The following RBMS1 variants were observed in gnomAD, a reference collection of about 807,000 sequenced individuals.
The protein encoded by RBMS1 is RNA-binding motif, single-stranded-interacting protein 1.
A neutral mutation model predicts 62.3 loss-of-function variants in RBMS1; 17 were observed. The observed-to-expected ratio is 0.27, with a 90% CI of 0.19 to 0.41. RBMS1 has a LOEUF of 0.41. Ranked by LOEUF, RBMS1 falls within the 10% of genes least tolerant of loss-of-function variation. The pLI is 1.00. For missense variants in RBMS1, 334 were observed against 504.5 expected (o/e 0.66, Z 3.24); for synonymous variants, 172 against 170.0 (o/e 1.01, Z -0.09).
chr2:160,363,122 C>T (rs979999909), intron 2 of RBMS1, among the ~76,000 whole-genome samples: 3 of 152,100 alleles, frequency 2.0e-5, no homozygotes, highest in South Asian at 2.1e-4. Flanking sequence ...TTGATAATAG[C>T]GTTATTTGAC....
At chr2:160,339,386 T>G (rs1364355169) in intron 2 of RBMS1, among the ~76,000 whole-genome samples, 1 of 152,168 alleles carries the variant, frequency 6.6e-6, no homozygotes, top group Non-Finnish European at 1.5e-5. Context: ...CTTATTCCTT[T>G]GAAGTTTATG....
chr2:160,439,218 C>G (rs575316574), intron 1 of RBMS1, among the ~76,000 whole-genome samples: 1 of 151,604 alleles, frequency 6.6e-6, no homozygotes, highest in Non-Finnish European at 1.5e-5. Context: ...CCCTCTCGGA[C>G]GAGGTGGCTG....
chr2:160,493,357 T>A lies in RBMS1; in HGVS notation c.7A>T (p.Lys3Ter). 6.2e-7 allele frequency: 1 copy of A among 1,613,352 alleles called. No homozygotes were observed. MG[K>*]VWKQQMYPQY... The stretch of plus-strand genomic sequence containing the variant: ...GGGTACATCTGCTGTTTCCACACTT[T>A]GCCCATGAAGCTGGAAGGGAGCCTG... The change falls in exon 1 of 14, where the codon AAA becomes TAA. Residue 3 changes from lysine (K) to a stop codon, truncating the protein, a stop_gained. Transcript: ENST00000348849. LOFTEE classifies it high-confidence loss of function.
At chr2:160,381,102 T>C (rs78220925) in intron 1 of RBMS1, among the ~76,000 whole-genome samples, 14,979 of 152,228 alleles carry the variant, frequency 0.098, 1,011 homozygotes, top group East Asian at 0.26. Context: ...GTCTGCCTTA[T>C]AGACTCTAAC....
intron 7 of RBMS1, among the ~76,000 whole-genome samples, chr2:160,285,812 A>G (rs1288758712): frequency 6.6e-6 from 1 of 151,912 alleles, no homozygotes; most frequent in Non-Finnish European, 1.5e-5. Flanking sequence ...CTATCTCTAT[A>G]AAAATTTTAA....
intron 1 of RBMS1, among the ~76,000 whole-genome samples, chr2:160,478,023 C>A (rs898150403): frequency 6.6e-6 from 1 of 152,240 alleles, no homozygotes; most frequent in Admixed American, 6.5e-5. Flanking sequence ...TCCAACCAAT[C>A]TTCTAGTCCT....
At chr2:160,460,687 G>T (rs1684424354) in intron 1 of RBMS1, among the ~76,000 whole-genome samples, 1 of 152,182 alleles carries the variant, frequency 6.6e-6, no homozygotes, top group African/African-American at 2.4e-5. Context: ...ATGCCCTTGA[G>T]TCAACTTATT....
intron 1 of RBMS1, among the ~76,000 whole-genome samples, chr2:160,435,969 C>CACCT (rs1246312098): frequency 6.6e-6 from 1 of 152,170 alleles, no homozygotes; most frequent in Non-Finnish European, 1.5e-5. Context: ...TTCATCAAGT[C>CACCT]ACCTCCATGA....
At chr2:160,406,615 ACATT>A (rs1695722369) in intron 1 of RBMS1, among the ~76,000 whole-genome samples, 1 of 152,254 alleles carries the variant, frequency 6.6e-6, no homozygotes, top group African/African-American at 2.4e-5. Context: ...ACAGACTTGC[ACATT>A]TTTTAGATAA....
chr2:160,278,418 T>G, intron 11 of RBMS1, 130 bp downstream of exon 11: 2 of 743,474 alleles, frequency 2.7e-6, no homozygotes, highest in Non-Finnish European at 4.7e-6. Flanking sequence ...TGGAAGGTCA[T>G]GTGGGGGGAA....
intron 1 of RBMS1, 28 bp from the exon 2 acceptor site, chr2:160,367,419 T>A (rs1289010127): frequency 6.2e-7 from 1 of 1,612,882 alleles, no homozygotes; most frequent in Admixed American, 1.7e-5. Context: ...GGAGCCTTAG[T>A]ATGCTAGCAT....
At chr2:160,453,670 C>T (rs1412672682) in intron 1 of RBMS1, among the ~76,000 whole-genome samples, 1 of 152,118 alleles carries the variant, frequency 6.6e-6, no homozygotes, top group Non-Finnish European at 1.5e-5. Flanking sequence ...CTCTCATTCC[C>T]ATGCTTCAAA....
At position 160,442,465 on chromosome 2, in the gene RBMS1, G is replaced by A. The variant is rs188176229; in HGVS notation, c.75+50824C>T. Among the ~76,000 whole-genome samples the A allele has an allele frequency of 1.7e-3, 259 of 152,268 alleles. 2 individuals are homozygous for A. Among genetic ancestry groups the A allele is most frequent in the South Asian group, 0.01 (49 of 4,824 alleles). On this transcript the variant is annotated intron_variant, in intron 1 of 13. Transcript: ENST00000348849. ...CTTAGTTTACATGTAAGTTGTACAT[G>A]CCCACGCCATGCTGATTTTATTTTC...
In RBMS1 at chr2:160,477,758, C is replaced by T. The variant is rs191763087; in HGVS notation, c.75+15531G>A. 2.0e-5 allele frequency among the ~76,000 whole-genome samples: 3 copies of T among 152,270 alleles called. No individual in the cohort carries two copies. In the East Asian group the frequency reaches 5.8e-4, roughly 29 times the overall value. ...TAATTCCTCATCTGCTTATTTGACCCTCACTTTCCTTTTAGACTTTATATC... is the reference window on the plus strand; with the variant it reads ...TAATTCCTCATCTGCTTATTTGACCTTCACTTTCCTTTTAGACTTTATATC... On this transcript the variant is annotated intron_variant, in intron 1 of 13. Coordinates refer to ENST00000348849, the MANE Select transcript of RBMS1 (RefSeq NM_016836.4).
At chr2:160,362,956 T>G (rs1693209830) in intron 2 of RBMS1, among the ~76,000 whole-genome samples, 1 of 152,170 alleles carries the variant, frequency 6.6e-6, no homozygotes, top group South Asian at 2.1e-4. Flanking sequence ...CTCCTTTGTT[T>G]TAAATGTACA....
chr2:160,447,690 T>C (rs1683715042), intron 1 of RBMS1, among the ~76,000 whole-genome samples: 1 of 152,232 alleles, frequency 6.6e-6, no homozygotes, highest in African/African-American at 2.4e-5. Flanking sequence ...CATTTATAGT[T>C]GAGACAGCAT....
intron 1 of RBMS1, among the ~76,000 whole-genome samples, chr2:160,481,713 T>C (rs956017848): frequency 6.6e-6 from 1 of 152,204 alleles, no homozygotes; most frequent in Admixed American, 6.5e-5. Context: ...AAAAGACTTC[T>C]CAAAAGAGGA....
chr2:160,360,844 G>A (rs1294904190), intron 2 of RBMS1, among the ~76,000 whole-genome samples: 3 of 152,136 alleles, frequency 2.0e-5, no homozygotes, highest in Non-Finnish European at 2.9e-5. Context: ...CTGCTGACCT[G>A]TCTTGCTTTA....
chr2:160,489,944 A>G (rs1345922631), intron 1 of RBMS1, among the ~76,000 whole-genome samples: 1 of 152,160 alleles, frequency 6.6e-6, no homozygotes, highest in African/African-American at 2.4e-5. Flanking sequence ...GAATATTTCA[A>G]TCCCCATAAC....
Sources: allele counts gnomAD v4.1 joint callset (sites outside exome capture counted in the v4.1 genomes callset), GRCh38; gene constraint gnomAD v4.1.1; transcripts MANE v1.5; gene names NCBI Gene and HGNC (gene_info 2026-07-23, HGNC 2026-07-21).